The following TMEM232 variants were observed in gnomAD, a reference collection of about 807,000 sequenced individuals.
TMEM232 encodes the protein transmembrane protein 232.
Under a neutral mutation model 78.8 loss-of-function variants are expected in TMEM232, and 80 were observed. The observed-to-expected ratio is 1.01, with a 90% confidence interval of 0.85 to 1.22. TMEM232 has a LOEUF of 1.22. TMEM232 is among the 50% of genes most tolerant of loss of function. TMEM232 has a pLI of 0.00. For synonymous variants in TMEM232, 297 were observed against 254.3 expected (o/e 1.17, Z -1.60); for missense variants, 881 against 742.2 (o/e 1.19, Z -2.17).
At chr5:110,554,504 C>T (rs1774844141) in intron 11 of TMEM232, among the ~76,000 whole-genome samples, 1 of 152,156 alleles carries the variant, frequency 6.6e-6, no homozygotes, top group South Asian at 2.1e-4. Context: ...AGAACCCTCA[C>T]TAATACAAAA....
At chr5:110,473,819 G>T (rs1762940124) in intron 12 of TMEM232, among the ~76,000 whole-genome samples, 1 of 131,602 alleles carries the variant, frequency 7.6e-6, no homozygotes, top group South Asian at 2.5e-4. Context: ...AAAAAAAAGA[G>T]GAAATTCTAT....
intron 2 of TMEM232, among the ~76,000 whole-genome samples, chr5:110,658,103 T>G (rs564699843): frequency 6.6e-6 from 1 of 152,120 alleles, no homozygotes; most frequent in East Asian, 1.9e-4. Context: ...GCAGGTGATA[T>G]GAACACCTGC....
intron 11 of TMEM232, among the ~76,000 whole-genome samples, chr5:110,563,767 T>G (rs183290138): frequency 2.8e-4 from 42 of 152,058 alleles, no homozygotes; most frequent in African/African-American, 9.9e-4. Context: ...TTTGTTTTTC[T>G]TTTACTTTGG....
intron 2 of TMEM232, among the ~76,000 whole-genome samples, chr5:110,648,718 T>G (rs530786080): frequency 2.6e-5 from 4 of 152,180 alleles, no homozygotes; most frequent in Admixed American, 2.0e-4. Context: ...GATTGACACA[T>G]TATACCTAGA....
chr5:110,625,578 T>C (rs1162383686), intron 6 of TMEM232, 145 bp from the exon 7 acceptor site: 4 of 635,930 alleles, frequency 6.3e-6, no homozygotes, highest in East Asian at 3.3e-5. Flanking sequence ...TATAATGTTA[T>C]GTATGCCCCC....
rs146861790 is a variant in TMEM232 at position 110,419,825 on chromosome 5, C to T, written c.*755G>A. The stretch of plus-strand genomic sequence containing the variant: ...ACATCACAAAAACTCCACCCTATTA[C>T]TCTTACTCATAGGTTCAGAACTTCA... On this transcript the variant is annotated 3_prime_UTR_variant, in exon 14 of 14. Coordinates refer to ENST00000455884, the MANE Select transcript of TMEM232 (RefSeq NM_001039763.4). Among the ~76,000 whole-genome samples, 19 of 152,242 alleles carry T rather than the reference C, an allele frequency of 1.2e-4. No individual in the cohort carries two copies. The highest frequency in any genetic ancestry group is 4.6e-4 in the African/African-American group (19 of 41,570).
chr5:110,504,757 C>T (rs185768692), intron 12 of TMEM232, among the ~76,000 whole-genome samples: 16 of 152,278 alleles, frequency 1.1e-4, no homozygotes, highest in Admixed American at 7.8e-4. Flanking sequence ...TGGACAAGGG[C>T]CACCCAAATT....
At chr5:110,470,771 G>C (rs1295990562) in intron 12 of TMEM232, among the ~76,000 whole-genome samples, 1 of 152,236 alleles carries the variant, frequency 6.6e-6, no homozygotes, top group East Asian at 1.9e-4. Context: ...CTAAAGTTTA[G>C]AAGTGGTGAT....
At chr5:110,432,911 G>C (rs34460001) in intron 12 of TMEM232, among the ~76,000 whole-genome samples, 13,845 of 151,550 alleles carry the variant, frequency 0.091, 802 homozygotes, top group South Asian at 0.17. Flanking sequence ...AATGATAAAG[G>C]GTTCAATTCA....
In TMEM232 at chr5:110,692,441, C is replaced by T. The variant is rs552071663; in HGVS notation, c.-12-25077G>A. Reference sequence around the variant, plus strand: ...CCGGGTTCATCTCACTGGGGAGTGCCGGACAGTGGGTGCAGGAGAGTGGGT... The same window carrying T: ...CCGGGTTCATCTCACTGGGGAGTGCTGGACAGTGGGTGCAGGAGAGTGGGT... On this transcript the variant is annotated intron_variant, in intron 1 of 13. Transcript: ENST00000455884. Among the ~76,000 whole-genome samples the T allele has an allele frequency of 3.3e-5, 5 of 152,248 alleles. No homozygotes were observed. The East Asian group carries it at 5.8e-4, about 18-fold the overall frequency.
chr5:110,607,423 A>AT (rs775402369), intron 8 of TMEM232, among the ~76,000 whole-genome samples: 28 of 152,042 alleles, frequency 1.8e-4, no homozygotes, highest in Non-Finnish European at 3.4e-4. Flanking sequence ...GGTGCTGCCT[A>AT]TTGCCTACCT....
chr5:110,400,314 G>C (rs1456758532), intron 2 of TMEM232, among the ~76,000 whole-genome samples: 3 of 152,016 alleles, frequency 2.0e-5, no homozygotes, highest in Non-Finnish European at 4.4e-5. Context: ...TAAAAGAAGT[G>C]ACGTGTCATG....
chr5:110,559,546 T>A (rs1775510253), intron 11 of TMEM232, among the ~76,000 whole-genome samples: 1 of 152,048 alleles, frequency 6.6e-6, no homozygotes, highest in African/African-American at 2.4e-5. Context: ...CAAGAGAATA[T>A]CAAAATGGCC....
At chr5:110,578,919 C>T (rs1056619376) in intron 10 of TMEM232, among the ~76,000 whole-genome samples, 18 of 151,920 alleles carry the variant, frequency 1.2e-4, no homozygotes, top group African/African-American at 4.1e-4. Context: ...ACCATTTGCA[C>T]AGTGCTATAC....
intron 1 of TMEM232, among the ~76,000 whole-genome samples, chr5:110,699,043 G>A (rs752600693): frequency 1.3e-5 from 2 of 149,726 alleles, no homozygotes; most frequent in Non-Finnish European, 3.0e-5. Context: ...CCCCCAGAAG[G>A]ACAAAAACAA....
chr5:110,470,351 CCA>C (rs146129717), intron 12 of TMEM232, among the ~76,000 whole-genome samples: 2,808 of 152,206 alleles, frequency 0.018, 104 homozygotes, highest in African/African-American at 0.065. Context: ...TTCTACCCGA[CCA>C]CAGAGAATGA....
At chr5:110,617,313 C>A (rs1783049971) in intron 8 of TMEM232, among the ~76,000 whole-genome samples, 1 of 151,900 alleles carries the variant, frequency 6.6e-6, no homozygotes, top group Non-Finnish European at 1.5e-5. Context: ...TCAAAGAGTG[C>A]AAAGTTTCAG....
intron 12 of TMEM232, among the ~76,000 whole-genome samples, chr5:110,430,378 C>A (rs1480614327): frequency 6.6e-6 from 1 of 150,922 alleles, no homozygotes; most frequent in Non-Finnish European, 1.5e-5. Context: ...GTTCTCAGAG[C>A]CCAAATAGGT....
chr5:110,471,416 C>CA (rs2149375661), intron 12 of TMEM232, among the ~76,000 whole-genome samples: 1 of 152,066 alleles, frequency 6.6e-6, no homozygotes, highest in Non-Finnish European at 1.5e-5. Flanking sequence ...CAAAGGTCCC[C>CA]AAGCAGATTA....
Sources: allele counts gnomAD v4.1 joint callset (sites outside exome capture counted in the v4.1 genomes callset), GRCh38; gene constraint gnomAD v4.1.1; transcripts MANE v1.5; gene names NCBI Gene and HGNC (gene_info 2026-07-23, HGNC 2026-07-21).